Variants in TJP1 observed in about 807,000 individuals in gnomAD.
The protein encoded by TJP1 is tight junction protein ZO-1.
A neutral mutation model predicts 194.2 loss-of-function variants in TJP1; 43 were observed. The observed-to-expected ratio is 0.22, with a 90% CI of 0.17 to 0.29. TJP1 has a LOEUF of 0.29. TJP1 is among the 10% of genes least tolerant of loss of function. The pLI, the probability that TJP1 is intolerant of heterozygous loss-of-function variation, is 1.00. For synonymous variants in TJP1, 801 were observed against 779.0 expected (o/e 1.03, Z -0.47); for missense variants, 1,971 against 2,185.7 (o/e 0.90, Z 1.96).
intron 2 of TJP1, among the ~76,000 whole-genome samples, chr15:29,922,423 T>C (rs1263412182): frequency 6.6e-6 from 1 of 152,236 alleles, no homozygotes; most frequent in Admixed American, 6.5e-5. Context: ...ATTAATTTGA[T>C]ATTTAGTAGT....
At chr15:29,720,181 CTGTGT>C in intron 19 of TJP1, 165 bp from the exon 20 acceptor site, 1 of 1,127,978 alleles carries the variant, frequency 8.9e-7, no homozygotes, top group Non-Finnish European at 1.2e-6. Flanking sequence ...CAGTACATTG[CTGTGT>C]TAAGACAAAC....
chr15:29,955,753 T>TAAAAAAAAAAAAAAAAAAAAAAAAAAA (rs563535771), intron 2 of TJP1, among the ~76,000 whole-genome samples: 6 of 35,812 alleles, frequency 1.7e-4, no homozygotes, highest in Non-Finnish European at 2.0e-4. Flanking sequence ...CCTGGCTCTT[T>TAAAAAAAAAAAAAAAAAAAAAAAAAAA]AAAAAAAAAA....
At chr15:29,928,101 G>C (rs769707458) in intron 2 of TJP1, among the ~76,000 whole-genome samples, 58 of 150,798 alleles carry the variant, frequency 3.8e-4, no homozygotes, top group Non-Finnish European at 6.2e-4. Context: ...ATACAAACAG[G>C]CAAGATTATA....
intron 2 of TJP1, among the ~76,000 whole-genome samples, chr15:29,949,317 T>C (rs62649073): frequency 0.01 from 210 of 20,392 alleles, no homozygotes; most frequent in Middle Eastern, 0.038. Flanking sequence ...ACCTCCACTT[T>C]CACCACCACT....
intron 1 of TJP1, among the ~76,000 whole-genome samples, chr15:29,804,864 C>A (rs563883230): frequency 1.1e-3 from 165 of 152,222 alleles, no homozygotes; most frequent in African/African-American, 3.8e-3. Context: ...GTAACTCAGA[C>A]AGATGCTGGT....
chr15:29,764,320 G>A (rs2046197459), intron 5 of TJP1, among the ~76,000 whole-genome samples: 1 of 152,122 alleles, frequency 6.6e-6, no homozygotes, highest in African/African-American at 2.4e-5. Context: ...CATGGGGTGA[G>A]TGACGGCTGA....
intron 2 of TJP1, among the ~76,000 whole-genome samples, chr15:29,949,993 CACCACCACCTCCACA>C (rs2055615758): frequency 1.4e-5 from 1 of 71,926 alleles, no homozygotes; most frequent in Non-Finnish European, 2.6e-5. Flanking sequence ...CCACCTCCAC[CACCACCACCTCCACA>C]ACCACCACCT....
intron 2 of TJP1, among the ~76,000 whole-genome samples, chr15:29,777,405 G>T (rs148989064): frequency 1.1e-3 from 174 of 152,130 alleles, no homozygotes; most frequent in African/African-American, 3.8e-3. Flanking sequence ...ACCTAAAAAG[G>T]TTTCAGGGAC....
intron 2 of TJP1, among the ~76,000 whole-genome samples, chr15:29,929,368 TAGAAAAGA>T (rs1389301453): frequency 3.9e-5 from 6 of 152,106 alleles, no homozygotes; most frequent in African/African-American, 1.2e-4. Context: ...ACGTGTGTAT[TAGAAAAGA>T]AGAAAGCCTG....
chr15:29,963,090 G>A (rs1363398568), intron 1 of TJP1, among the ~76,000 whole-genome samples: 1 of 152,200 alleles, frequency 6.6e-6, no homozygotes, highest in African/African-American at 2.4e-5. Context: ...GCAGTGAGCT[G>A]AGATCGCGCC....
intron 8 of TJP1, among the ~76,000 whole-genome samples, chr15:29,753,775 C>G (rs1178708899): frequency 6.8e-6 from 1 of 147,910 alleles, no homozygotes; most frequent in Non-Finnish European, 1.5e-5. Context: ...TGAATCATAT[C>G]TTTCTAACTG....
chr15:29,776,820 T>C (rs2047044544), intron 2 of TJP1, among the ~76,000 whole-genome samples: 2 of 152,188 alleles, frequency 1.3e-5, no homozygotes, highest in Non-Finnish European at 2.9e-5. Context: ...ACTGAGCTTA[T>C]GGTGGCAGAT....
intron 1 of TJP1, among the ~76,000 whole-genome samples, chr15:29,963,807 T>C (rs1266346606): frequency 1.3e-5 from 2 of 152,036 alleles, no homozygotes; most frequent in African/African-American, 2.4e-5. Context: ...GTACGCGCCA[T>C]CACGCCCAGC....
chr15:29,926,163 T>C (rs1718991), intron 2 of TJP1, among the ~76,000 whole-genome samples: 29,024 of 152,258 alleles, frequency 0.19, 2,889 homozygotes, highest in East Asian at 0.35. Flanking sequence ...TAGAAGTGTT[T>C]TTGTGAACTT....
At chr15:29,768,199 C>T (rs1027377830) in intron 4 of TJP1, among the ~76,000 whole-genome samples, 11 of 152,114 alleles carry the variant, frequency 7.2e-5, no homozygotes, top group South Asian at 2.1e-4. Context: ...GAGGAAACAA[C>T]GCTGAAGCTC....
intron 8 of TJP1, among the ~76,000 whole-genome samples, chr15:29,756,320 C>A (rs560965959): frequency 6.6e-6 from 1 of 152,244 alleles, no homozygotes; most frequent in Non-Finnish European, 1.5e-5. Flanking sequence ...TATAAGAAAA[C>A]CACTGTAATT....
intron 2 of TJP1, among the ~76,000 whole-genome samples, chr15:29,907,364 G>A (rs1290635401): frequency 6.6e-6 from 1 of 151,950 alleles, no homozygotes; most frequent in Non-Finnish European, 1.5e-5. Flanking sequence ...AGCCGAGATC[G>A]CACCACTGCA....
At chr15:29,894,337 T>A (rs2050516298) in intron 2 of TJP1, among the ~76,000 whole-genome samples, 1 of 152,098 alleles carries the variant, frequency 6.6e-6, no homozygotes, top group Admixed American at 6.5e-5. Flanking sequence ...CACATTCCTG[T>A]AGTCTCAGCT....
intron 2 of TJP1, among the ~76,000 whole-genome samples, chr15:29,950,906 A>T (rs2055725372): frequency 6.6e-6 from 1 of 152,194 alleles, no homozygotes; most frequent in Non-Finnish European, 1.5e-5. Flanking sequence ...CTGTAAAATG[A>T]GGCTGATGGT....
Sources: allele counts gnomAD v4.1 joint callset (sites outside exome capture counted in the v4.1 genomes callset), GRCh38; gene constraint gnomAD v4.1.1; transcripts MANE v1.5; gene names NCBI Gene and HGNC (gene_info 2026-07-23, HGNC 2026-07-21).